Variants in C1QTNF3 observed in about 807,000 individuals in gnomAD.
C1QTNF3 encodes complement C1q tumor necrosis factor-related protein 3.
Under a neutral mutation model 32.6 loss-of-function variants are expected in C1QTNF3, and 26 were observed. That is an observed-to-expected ratio of 0.80 (90% CI 0.58 to 1.11). C1QTNF3 has a LOEUF of 1.11. Ranked by LOEUF, C1QTNF3 falls within the 50% of genes least tolerant of loss-of-function variation. C1QTNF3 has a pLI of 0.00. For missense variants in C1QTNF3, 362 were observed against 398.2 expected, an observed-to-expected ratio of 0.91 and a Z score of 0.77; for synonymous variants, 155 against 146.0, an observed-to-expected ratio of 1.06 and a Z score of -0.44.
chr5:34,223,322 A>G, the C1QTNF3 span, among the ~76,000 whole-genome samples: 1 of 150,692 alleles, frequency 6.6e-6, no homozygotes, highest in Non-Finnish European at 1.5e-5. Flanking sequence ...TTCCAATTTC[A>G]TCCATGTCCC....
the C1QTNF3 span, among the ~76,000 whole-genome samples, chr5:34,089,112 G>A: frequency 1.3e-5 from 2 of 152,132 alleles, no homozygotes; most frequent in Non-Finnish European, 2.9e-5. Context: ...AGAGAAGCTG[G>A]GCTGTGAAGC....
chr5:34,099,125 G>A, the C1QTNF3 span, among the ~76,000 whole-genome samples: 3 of 152,084 alleles, frequency 2.0e-5, no homozygotes, highest in Admixed American at 6.6e-5. Context: ...AAAGTTTAAT[G>A]CTCTAAAATT....
the C1QTNF3 span, among the ~76,000 whole-genome samples, chr5:34,212,718 C>A: frequency 2.7e-5 from 4 of 149,916 alleles, no homozygotes; most frequent in Admixed American, 2.0e-4. Context: ...CCATCTCACA[C>A]CAGTTAGAAT....
At chr5:34,198,213 G>T in the C1QTNF3 span, among the ~76,000 whole-genome samples, 3 of 144,868 alleles carry the variant, frequency 2.1e-5, no homozygotes, top group Non-Finnish European at 4.4e-5. Context: ...CTGCACTCCA[G>T]CCTGGGTAAC....
At chr5:34,150,412 C>G in the C1QTNF3 span, among the ~76,000 whole-genome samples, 1 of 92,232 alleles carries the variant, frequency 1.1e-5, no homozygotes, top group African/African-American at 5.4e-5. Context: ...ACATTTTTTT[C>G]AGCACCACAC....
At chr5:34,063,307 TCA>T in the C1QTNF3 span, among the ~76,000 whole-genome samples, 1 of 151,222 alleles carries the variant, frequency 6.6e-6, no homozygotes, top group Non-Finnish European at 1.5e-5. Flanking sequence ...CCTCTCTCTC[TCA>T]CTTCTCTCTC....
the C1QTNF3 span, among the ~76,000 whole-genome samples, chr5:34,049,392 T>C: frequency 3.3e-5 from 5 of 152,174 alleles, no homozygotes; most frequent in African/African-American, 1.2e-4. Context: ...GCTAGTCTGC[T>C]CAGCCCTATT....
the C1QTNF3 span, among the ~76,000 whole-genome samples, chr5:34,064,493 T>A: frequency 6.6e-6 from 1 of 152,186 alleles, no homozygotes; most frequent in African/African-American, 2.4e-5. Flanking sequence ...AAGAGAACCA[T>A]GGAACCCAGC....
At chr5:34,158,114 T>C in the C1QTNF3 span, 3 of 150,632 alleles carry the variant, frequency 2.0e-5, no homozygotes, top group Non-Finnish European at 4.4e-5. Flanking sequence ...TTCTTTTTTT[T>C]TTTTTTTTTT....
At chr5:34,159,904 T>A in the C1QTNF3 span, among the ~76,000 whole-genome samples, 3 of 149,176 alleles carry the variant, frequency 2.0e-5, no homozygotes, top group African/African-American at 7.4e-5. Flanking sequence ...AAGTAACACA[T>A]TTAAGAATAC....
chr5:34,224,872 A>G, the C1QTNF3 span, among the ~76,000 whole-genome samples: 1 of 152,188 alleles, frequency 6.6e-6, no homozygotes, highest in South Asian at 2.1e-4. Flanking sequence ...GGCAGCCTAC[A>G]AAATGGGAGA....
chr5:34,035,506 A>G, intron 2 of C1QTNF3, 141 bp downstream of exon 2: 1 of 693,654 alleles, frequency 1.4e-6, no homozygotes, highest in African/African-American at 1.8e-5. Context: ...CCAGCCTATG[A>G]ACCTGGTATT....
chr5:34,076,354 A>C, the C1QTNF3 span, among the ~76,000 whole-genome samples: 1 of 151,694 alleles, frequency 6.6e-6, no homozygotes, highest in Non-Finnish European at 1.5e-5. Flanking sequence ...TAATGAGCCA[A>C]GCTATATGAA....
chr5:34,108,165 T>C, the C1QTNF3 span, among the ~76,000 whole-genome samples: 2 of 152,096 alleles, frequency 1.3e-5, no homozygotes, highest in Non-Finnish European at 2.9e-5. Flanking sequence ...CAATACAACA[T>C]GTTTTTTTGT....
chr5:34,113,775 T>C, the C1QTNF3 span, among the ~76,000 whole-genome samples: 22 of 152,152 alleles, frequency 1.4e-4, no homozygotes, highest in Non-Finnish European at 2.8e-4. Context: ...CACTGGCTTA[T>C]TATACAAATA....
the C1QTNF3 span, among the ~76,000 whole-genome samples, chr5:34,214,153 C>T: frequency 1.3e-5 from 2 of 151,698 alleles, no homozygotes; most frequent in African/African-American, 4.8e-5. Flanking sequence ...TTAAAATCAA[C>T]CACATACAAT....
At chr5:34,208,808 G>T in the C1QTNF3 span, among the ~76,000 whole-genome samples, 591 of 128,240 alleles carry the variant, frequency 4.6e-3, no homozygotes, top group South Asian at 7.7e-3. Flanking sequence ...AATCGTCACT[G>T]CTTTCATGTA....
At chr5:34,022,887 G>A (rs1487201180) in intron 5 of C1QTNF3, among the ~76,000 whole-genome samples, 2 of 152,024 alleles carry the variant, frequency 1.3e-5, no homozygotes, top group African/African-American at 4.8e-5. Flanking sequence ...ATGGAGTCTC[G>A]CTCTGTCGCC....
At chr5:34,147,146 A>AC in the C1QTNF3 span, among the ~76,000 whole-genome samples, 1 of 126,174 alleles carries the variant, frequency 7.9e-6, no homozygotes, top group Non-Finnish European at 1.8e-5. Context: ...AGTAAAAAAA[A>AC]TAATAATAAT....
Sources: gnomAD v4.1 joint callset for allele counts (sites outside exome capture counted in the v4.1 genomes callset) on GRCh38, gnomAD v4.1.1 for gene constraint, MANE v1.5 for transcripts, NCBI Gene and HGNC (gene_info 2026-07-23, HGNC 2026-07-21) for gene names.